Variants in LRFN5 observed in about 807,000 individuals in gnomAD.
LRFN5 encodes the protein leucine-rich repeat and fibronectin type-III domain-containing protein 5.
Under a neutral mutation model 45.6 loss-of-function variants are expected in LRFN5, and 24 were observed. The ratio of observed to expected loss-of-function variants is 0.53; its 90% CI spans 0.38 to 0.74. The LOEUF (loss-of-function observed/expected upper bound fraction) is 0.74. LRFN5 is among the 30% of genes least tolerant of loss of function. The pLI, the probability that LRFN5 is intolerant of heterozygous loss-of-function variation, is 0.00. For missense variants in LRFN5, 776 were observed against 861.5 expected, an observed-to-expected ratio of 0.90 and a Z score of 1.24; for synonymous variants, 340 against 313.8, an observed-to-expected ratio of 1.08 and a Z score of -0.88.
intron 2 of LRFN5, among the ~76,000 whole-genome samples, chr14:41,788,123 A>G (rs1204287882): frequency 6.6e-6 from 1 of 152,102 alleles, no homozygotes; most frequent in African/African-American, 2.4e-5. Flanking sequence ...TTTATGTTGT[A>G]TAAGCTGCTC....
At chr14:41,740,383 A>T (rs751035793) in intron 1 of LRFN5, among the ~76,000 whole-genome samples, 1 of 152,044 alleles carries the variant, frequency 6.6e-6, no homozygotes, top group Non-Finnish European at 1.5e-5. Flanking sequence ...AGGATGGCTC[A>T]ATGCACATAA....
chr14:41,673,592 C>T, intron 1 of LRFN5, among the ~76,000 whole-genome samples: 1 of 147,394 alleles, frequency 6.8e-6, no homozygotes, highest in African/African-American at 2.5e-5. Context: ...CCACCTCACT[C>T]CCGGATGGGG....
At chr14:41,840,057 T>C (rs4900098) in intron 2 of LRFN5, among the ~76,000 whole-genome samples, 115,859 of 152,022 alleles carry the variant, frequency 0.76, 44,793 homozygotes, top group African/African-American at 0.9. Flanking sequence ...ATAATTTGGA[T>C]GTGTGCAATA....
intron 1 of LRFN5, among the ~76,000 whole-genome samples, chr14:41,763,325 T>C (rs1594686926): frequency 6.6e-6 from 1 of 152,236 alleles, no homozygotes; most frequent in Non-Finnish European, 1.5e-5. Flanking sequence ...CCAATGTATA[T>C]GTTCAGGCAA....
chr14:41,808,349 TGAAGGAAG>T (rs58070386), intron 2 of LRFN5, among the ~76,000 whole-genome samples: 4 of 43,444 alleles, frequency 9.2e-5, no homozygotes, highest in African/African-American at 2.6e-4. Flanking sequence ...AAGGGAGGGA[TGAAGGAAG>T]GAAGGAAGGA....
chr14:41,655,530 A>G (rs939941559), intron 1 of LRFN5, among the ~76,000 whole-genome samples: 1 of 152,042 alleles, frequency 6.6e-6, no homozygotes, highest in African/African-American at 2.4e-5. Context: ...AACTTGGTTA[A>G]GGCTTGTACT....
At chr14:41,766,258 T>C (rs1262121570) in intron 1 of LRFN5, among the ~76,000 whole-genome samples, 2 of 152,168 alleles carry the variant, frequency 1.3e-5, no homozygotes, top group Non-Finnish European at 2.9e-5. Flanking sequence ...TTAGCTATTC[T>C]TTAGAGTGAC....
chr14:41,711,577 C>G (rs1883286816), intron 1 of LRFN5, among the ~76,000 whole-genome samples: 1 of 152,204 alleles, frequency 6.6e-6, no homozygotes, highest in African/African-American at 2.4e-5. Context: ...TTCTGTACTT[C>G]TTGTTCCAAA....
intron 2 of LRFN5, among the ~76,000 whole-genome samples, chr14:41,875,424 C>T (rs755006242): frequency 6.6e-6 from 1 of 152,218 alleles, no homozygotes; most frequent in Non-Finnish European, 1.5e-5. Flanking sequence ...AACACATTTA[C>T]CTTCACAGTT....
At chr14:41,754,926 A>G (rs941102318) in intron 1 of LRFN5, among the ~76,000 whole-genome samples, 1 of 150,466 alleles carries the variant, frequency 6.6e-6, no homozygotes, top group African/African-American at 2.4e-5. Context: ...CCCTCTACAC[A>G]CTGCTTTGAA....
chr14:41,873,382 AAG>A, intron 2 of LRFN5, among the ~76,000 whole-genome samples: 1 of 148,654 alleles, frequency 6.7e-6, no homozygotes, highest in African/African-American at 2.5e-5. Context: ...CCTAAGACAG[AAG>A]AGAGAGAAAG....
intron 1 of LRFN5, among the ~76,000 whole-genome samples, chr14:41,650,492 C>T (rs904981324): frequency 3.3e-5 from 5 of 152,002 alleles, no homozygotes; most frequent in Admixed American, 1.3e-4. Context: ...GACAACAAAT[C>T]GGTGAGCTAA....
At chr14:41,690,703 T>TA (rs1285617305) in intron 1 of LRFN5, among the ~76,000 whole-genome samples, 1 of 152,184 alleles carries the variant, frequency 6.6e-6, no homozygotes, top group African/African-American at 2.4e-5. Flanking sequence ...GGTGAAAGAA[T>TA]AGTTTCCCTA....
chr14:41,828,133 C>T (rs1764980415), intron 2 of LRFN5, among the ~76,000 whole-genome samples: 1 of 151,884 alleles, frequency 6.6e-6, no homozygotes, highest in South Asian at 2.1e-4. Context: ...TAGTCATAAA[C>T]TTTATGTCAG....
intron 2 of LRFN5, among the ~76,000 whole-genome samples, chr14:41,855,525 A>C (rs1210697972): frequency 1.3e-5 from 2 of 152,154 alleles, no homozygotes; most frequent in African/African-American, 4.8e-5. Flanking sequence ...TGTTTTATAC[A>C]GTTGGACAAG....
intron 1 of LRFN5, among the ~76,000 whole-genome samples, chr14:41,734,469 C>T (rs1007246298): frequency 3.3e-5 from 5 of 149,990 alleles, no homozygotes; most frequent in Non-Finnish European, 7.4e-5. Flanking sequence ...GTATAGCTAT[C>T]TAGCTACCCC....
intron 1 of LRFN5, among the ~76,000 whole-genome samples, chr14:41,695,768 C>G (rs886986073): frequency 6.6e-6 from 1 of 151,982 alleles, no homozygotes; most frequent in African/African-American, 2.4e-5. Flanking sequence ...ACAGTATTAC[C>G]TAGTCACCCA....
chr14:41,628,948 T>G (rs1182250031), intron 1 of LRFN5, among the ~76,000 whole-genome samples: 1 of 152,168 alleles, frequency 6.6e-6, no homozygotes, highest in African/African-American at 2.4e-5. Context: ...GAATCTACCT[T>G]TCTGACTCTC....
intron 2 of LRFN5, among the ~76,000 whole-genome samples, chr14:41,804,222 G>GAT (rs34522608): frequency 0.16 from 24,199 of 151,904 alleles, 2,003 homozygotes; most frequent in Admixed American, 0.18. Flanking sequence ...GTTTTTCAAA[G>GAT]AGTTTGGCAG....
Sources: gnomAD v4.1 joint callset for allele counts (sites outside exome capture counted in the v4.1 genomes callset) on GRCh38, gnomAD v4.1.1 for gene constraint, MANE v1.5 for transcripts, NCBI Gene and HGNC (gene_info 2026-07-23, HGNC 2026-07-21) for gene names.